Variants in CFAP107 observed in about 807,000 individuals in gnomAD.
The protein encoded by CFAP107 is cilia and flagella associated protein 107.
chr1:12,759,311 G>T, the CFAP107 span: 1 of 1,613,450 alleles, frequency 6.2e-7, no homozygotes, highest in Non-Finnish European at 8.5e-7. Context: ...TCCTTCCAGG[G>T]GCTACCTTAC....
At chr1:12,758,651 A>G in the CFAP107 span, among the ~76,000 whole-genome samples, 1 of 152,214 alleles carries the variant, frequency 6.6e-6, no homozygotes, top group African/African-American at 2.4e-5. Flanking sequence ...AAGTCAGTGC[A>G]GATCCCCAGG....
At chr1:12,750,177 AC>A in the CFAP107 span, among the ~76,000 whole-genome samples, 1 of 152,318 alleles carries the variant, frequency 6.6e-6, no homozygotes, top group African/African-American at 2.4e-5. Context: ...TGTTGTTATA[AC>A]TGTAGGATAT....
chr1:12,760,667 A>G, the CFAP107 span: 1 of 1,213,968 alleles, frequency 8.2e-7, no homozygotes, highest in Non-Finnish European at 1.1e-6. Flanking sequence ...GCAGCCTGGG[A>G]AAATCTCCAG....
At chr1:12,759,969 A>G in the CFAP107 span, among the ~76,000 whole-genome samples, 1 of 152,044 alleles carries the variant, frequency 6.6e-6, no homozygotes, top group Non-Finnish European at 1.5e-5. Flanking sequence ...CTATAAAGAA[A>G]ACAGGTAATG....
the CFAP107 span, among the ~76,000 whole-genome samples, chr1:12,748,071 T>G: frequency 1.0e-3 from 157 of 152,306 alleles, no homozygotes; most frequent in African/African-American, 3.6e-3. Flanking sequence ...ACTTGTCCTC[T>G]CCTACTACCA....
At chr1:12,752,344 G>A in the CFAP107 span, among the ~76,000 whole-genome samples, 2 of 150,678 alleles carry the variant, frequency 1.3e-5, no homozygotes, top group South Asian at 4.2e-4. Context: ...CAGCACTTTG[G>A]GAAGCCAAGG....
chr1:12,761,294 C>T, the CFAP107 span: 248 of 201,966 alleles, frequency 1.2e-3, 1 homozygote, highest in African/African-American at 5.1e-3. Context: ...ATGTGACTTG[C>T]TGAAGAGTCT....
the CFAP107 span, among the ~76,000 whole-genome samples, chr1:12,757,003 C>T: frequency 3.9e-5 from 6 of 152,222 alleles, no homozygotes; most frequent in Admixed American, 3.3e-4. Context: ...CATCCTCAGA[C>T]CACACTGACA....
the CFAP107 span, chr1:12,761,132 T>C: frequency 6.5e-5 from 37 of 569,886 alleles, no homozygotes; most frequent in Middle Eastern, 4.5e-4. Context: ...CACAGGTTCC[T>C]TTCTTTTCCA....
chr1:12,756,783 G>T, the CFAP107 span, among the ~76,000 whole-genome samples: 1 of 152,220 alleles, frequency 6.6e-6, no homozygotes, highest in Non-Finnish European at 1.5e-5. Flanking sequence ...CAGCTCAGCG[G>T]CCCGAGGTGT....
At chr1:12,746,631 G>A in the CFAP107 span, 64 of 924,996 alleles carry the variant, frequency 6.9e-5, no homozygotes, top group Non-Finnish European at 1.0e-4. Flanking sequence ...CAAATGGAGG[G>A]CAGCAGATGA....
the CFAP107 span, among the ~76,000 whole-genome samples, chr1:12,758,566 C>T: frequency 1.3e-5 from 2 of 152,156 alleles, no homozygotes; most frequent in Non-Finnish European, 2.9e-5. Context: ...CATTTCCAGA[C>T]CATAGCAGAC....
the CFAP107 span, among the ~76,000 whole-genome samples, chr1:12,758,288 A>C: frequency 1.3e-5 from 2 of 152,212 alleles, no homozygotes; most frequent in Non-Finnish European, 2.9e-5. Flanking sequence ...CCAGGCATAC[A>C]GTAAAGACAC....
At chr1:12,752,125 C>A in the CFAP107 span, among the ~76,000 whole-genome samples, 1 of 152,064 alleles carries the variant, frequency 6.6e-6, no homozygotes, top group Non-Finnish European at 1.5e-5. Flanking sequence ...TCAGCATTAC[C>A]CTGATACTAA....
chr1:12,746,299 A>G, the CFAP107 span: 7 of 611,188 alleles, frequency 1.1e-5, no homozygotes, highest in African/African-American at 1.3e-4. Context: ...GGAGTCATCT[A>G]CTAGCCATTC....
chr1:12,759,265 G>T, the CFAP107 span: 2 of 1,596,770 alleles, frequency 1.3e-6, no homozygotes, highest in Non-Finnish European at 1.7e-6. Flanking sequence ...CCAGGTGGAT[G>T]CTTCGCTCCT....
chr1:12,752,005 CTT>C, the CFAP107 span, among the ~76,000 whole-genome samples: 1 of 152,148 alleles, frequency 6.6e-6, no homozygotes, highest in East Asian at 1.9e-4. Flanking sequence ...GACCAAATGA[CTT>C]CAGTGGTGAA....
At chr1:12,760,618 C>T in the CFAP107 span, 284 of 730,680 alleles carry the variant, frequency 3.9e-4, 2 homozygotes, top group African/African-American at 4.5e-3. Flanking sequence ...CTGCAAGGCT[C>T]TTCCCTGTGG....
chr1:12,759,633 T>C, the CFAP107 span: 1 of 892,944 alleles, frequency 1.1e-6, no homozygotes, highest in South Asian at 1.4e-5. Flanking sequence ...GGCTGAGTTC[T>C]ATTGTACCCT....
Sources: allele counts gnomAD v4.1 joint callset (sites outside exome capture counted in the v4.1 genomes callset), GRCh38; gene constraint gnomAD v4.1.1; transcripts MANE v1.5; gene names NCBI Gene and HGNC (gene_info 2026-07-23, HGNC 2026-07-21).